Variants in APIP observed in about 807,000 individuals in gnomAD.
APIP encodes methylthioribulose-1-phosphate dehydratase.
In APIP, 32 loss-of-function variants were observed where a neutral mutation model predicts 32.0. The observed-to-expected ratio is 1.00, with a 90% CI of 0.76 to 1.34. The LOEUF (loss-of-function observed/expected upper bound fraction) is 1.34. Among genes scored for constraint, APIP ranks in the 40% most tolerant of loss-of-function variants. APIP has a pLI of 0.00. For synonymous variants in APIP, 92 were observed against 94.8 expected (o/e 0.97, Z 0.17); for missense variants, 247 against 298.6 (o/e 0.83, Z 1.27).
chr11:34,888,348 T>C lies in APIP; in HGVS notation c.406A>G (p.Thr136Ala), dbSNP rs767381214. Residue 136 changes from threonine to alanine, a missense_variant, in exon 5 of 7, where the codon ACA (threonine) becomes GCA (alanine). Coordinates refer to ENST00000395787, the MANE Select transcript of APIP (RefSeq NM_015957.4). ...LLFPGREFKI[T>A]HQEMIKGIKK... The stretch of plus-strand genomic sequence containing the variant: ...ATTCCTTTTATCATCTCTTGATGTG[T>C]AATTTTAAACTCCCGTCCTGGAAAG... 9 of 1,610,784 alleles carry C rather than the reference T, an allele frequency of 5.6e-6. No individual in the cohort carries two copies. The highest frequency in any genetic ancestry group is 7.6e-6 in the Non-Finnish European group (9 of 1,178,524).
intron 1 of APIP, among the ~76,000 whole-genome samples, chr11:34,907,652 G>C (rs1352469342): frequency 1.3e-5 from 2 of 152,064 alleles, no homozygotes; most frequent in East Asian, 1.9e-4. Flanking sequence ...GGTTCAATTG[G>C]TATCTAGTTC....
At chr11:34,899,653 A>G (rs1853343476) in intron 1 of APIP, among the ~76,000 whole-genome samples, 1 of 152,172 alleles carries the variant, frequency 6.6e-6, no homozygotes, top group Non-Finnish European at 1.5e-5. Context: ...GCAGAAGTCT[A>G]GGAGGTTGAA....
intron 5 of APIP, among the ~76,000 whole-genome samples, chr11:34,886,214 C>T (rs933354200): frequency 6.6e-6 from 1 of 151,936 alleles, no homozygotes; most frequent in African/African-American, 2.4e-5. Flanking sequence ...AGACCTTCCA[C>T]TGAGACAAGG....
At chr11:34,907,927 T>C (rs2025776) in intron 1 of APIP, among the ~76,000 whole-genome samples, 90,304 of 151,872 alleles carry the variant, frequency 0.59, 28,057 homozygotes, top group East Asian at 0.74. Flanking sequence ...GAGATACTAC[T>C]CACAGCCAAC....
intron 1 of APIP, 74 bp from the exon 2 acceptor site, chr11:34,895,184 A>C: frequency 7.7e-7 from 1 of 1,304,946 alleles, no homozygotes; most frequent in South Asian, 1.2e-5. Context: ...TGTTTCTAAT[A>C]AGAAGCCAAT....
intron 1 of APIP, among the ~76,000 whole-genome samples, chr11:34,902,603 G>A (rs1355358771): frequency 7.9e-5 from 12 of 152,116 alleles, no homozygotes; most frequent in Non-Finnish European, 1.8e-4. Context: ...ACAGGATTTT[G>A]TAGACTATGG....
intron 2 of APIP, among the ~76,000 whole-genome samples, chr11:34,893,462 C>T (rs1853212397): frequency 6.6e-6 from 1 of 152,146 alleles, no homozygotes; most frequent in South Asian, 2.1e-4. Flanking sequence ...TGGGACTCAA[C>T]TTCTAAATGG....
intron 2 of APIP, among the ~76,000 whole-genome samples, chr11:34,892,022 C>A (rs929383084): frequency 1.3e-5 from 2 of 152,060 alleles, no homozygotes; most frequent in Admixed American, 1.3e-4. Context: ...GTAAGTAAAA[C>A]CCATCTATAA....
At chr11:34,898,655 C>G in intron 1 of APIP, among the ~76,000 whole-genome samples, 1 of 151,906 alleles carries the variant, frequency 6.6e-6, no homozygotes, top group Non-Finnish European at 1.5e-5. Context: ...ACAGAGGGTT[C>G]CTTTCCTCCC....
At chr11:34,899,127 C>T (rs1332766987) in intron 1 of APIP, among the ~76,000 whole-genome samples, 2 of 152,200 alleles carry the variant, frequency 1.3e-5, no homozygotes, top group East Asian at 3.9e-4. Flanking sequence ...CCTCGGCCTC[C>T]CAAAGTGCTG....
intron 5 of APIP, among the ~76,000 whole-genome samples, chr11:34,885,586 C>T (rs1853054360): frequency 6.6e-6 from 1 of 152,118 alleles, no homozygotes; most frequent in Admixed American, 6.5e-5. Flanking sequence ...AATTGTCGGG[C>T]AATTGTCAGT....
At chr11:34,916,039 C>G in intron 1 of APIP, 189 bp downstream of exon 1, 1 of 714,860 alleles carries the variant, frequency 1.4e-6, no homozygotes, top group South Asian at 1.9e-5. Context: ...GACCACTGAT[C>G]TCCTGGGGCC....
At chr11:34,886,480 T>A (rs1472631285) in intron 5 of APIP, among the ~76,000 whole-genome samples, 3 of 151,984 alleles carry the variant, frequency 2.0e-5, no homozygotes, top group East Asian at 1.9e-4. Flanking sequence ...AAAGTTACAG[T>A]AAGCTGAGGT....
chr11:34,913,480 G>A (rs1193255976), intron 1 of APIP, among the ~76,000 whole-genome samples: 1 of 152,020 alleles, frequency 6.6e-6, no homozygotes, highest in Non-Finnish European at 1.5e-5. Flanking sequence ...CTTTCACAGT[G>A]AGTGTTACAG....
chr11:34,891,086 A>G (rs1205602648), intron 2 of APIP, among the ~76,000 whole-genome samples: 3 of 152,146 alleles, frequency 2.0e-5, no homozygotes, highest in Non-Finnish European at 4.4e-5. Flanking sequence ...TACTTTTTGG[A>G]TAGAATCACA....
intron 2 of APIP, among the ~76,000 whole-genome samples, chr11:34,892,813 T>C (rs2915222): frequency 0.6 from 91,334 of 152,010 alleles, 28,479 homozygotes; most frequent in East Asian, 0.74. Context: ...TGCGTTTGCA[T>C]TTTATTCCAA....
At chr11:34,909,143 A>G (rs1853502177) in intron 1 of APIP, among the ~76,000 whole-genome samples, 2 of 152,112 alleles carry the variant, frequency 1.3e-5, no homozygotes, top group Non-Finnish European at 2.9e-5. Context: ...ACTTGGGGTG[A>G]GAAAACTGAA....
chr11:34,906,116 T>C (rs185556120), intron 1 of APIP, among the ~76,000 whole-genome samples: 4 of 152,310 alleles, frequency 2.6e-5, no homozygotes, highest in East Asian at 1.9e-4. Context: ...AATCTGCCGG[T>C]GTCTCTCACA....
intron 2 of APIP, among the ~76,000 whole-genome samples, chr11:34,893,981 T>C (rs1407758404): frequency 6.6e-6 from 1 of 152,174 alleles, no homozygotes; most frequent in Non-Finnish European, 1.5e-5. Flanking sequence ...ATCACTCAAT[T>C]TAACACACAA....
Sources: allele counts gnomAD v4.1 joint callset (sites outside exome capture counted in the v4.1 genomes callset), GRCh38; gene constraint gnomAD v4.1.1; transcripts MANE v1.5; gene names NCBI Gene and HGNC (gene_info 2026-07-23, HGNC 2026-07-21).